The following CLEC12A variants were observed in gnomAD, a reference collection of about 807,000 sequenced individuals.
CLEC12A encodes C-type lectin domain family 12 member A.
A neutral mutation model predicts 26.5 loss-of-function variants in CLEC12A; 22 were observed. The ratio of observed to expected loss-of-function variants is 0.83; its 90% CI spans 0.59 to 1.19. The LOEUF is 1.19. Ranked by LOEUF, CLEC12A falls within the 50% of genes most tolerant of loss-of-function variation. CLEC12A has a pLI of 0.00. For missense variants in CLEC12A, 353 were observed against 315.6 expected (o/e 1.12, Z -0.90); for synonymous variants, 119 against 101.9 (o/e 1.17, Z -1.01).
chr12:9,995,071 A>C (rs1158980872), exon 5 of CLEC12A: 1 of 1,600,400 alleles, frequency 6.2e-7, no homozygotes, highest in Non-Finnish European at 8.5e-7. Context: ...ACTTGGACTG[A>C]GAGAAGAGGG....
At chr12:10,002,309 T>C in the CLEC12A span, among the ~76,000 whole-genome samples, 7 of 152,230 alleles carry the variant, frequency 4.6e-5, no homozygotes, top group Non-Finnish European at 7.3e-5. Context: ...TAATGAATGT[T>C]AATTATGTTT....
chr12:9,986,414 T>TC (rs34237394), downstream of CLEC12A, among the ~76,000 whole-genome samples: 3,397 of 117,376 alleles, frequency 0.029, 54 homozygotes, highest in African/African-American at 0.039. Flanking sequence ...AATTCCTTTA[T>TC]CCCCCCCCCC....
intron 1 of CLEC12A, among the ~76,000 whole-genome samples, chr12:9,958,667 A>G (rs1863781800): frequency 6.6e-6 from 1 of 152,238 alleles, no homozygotes; most frequent in Admixed American, 6.5e-5. Context: ...GCTTGGACCC[A>G]TGACAAGATA....
downstream of CLEC12A, among the ~76,000 whole-genome samples, chr12:9,989,684 G>C (rs1591843281): frequency 2.0e-5 from 3 of 152,208 alleles, no homozygotes; most frequent in South Asian, 6.2e-4. Context: ...AGAAACTGGA[G>C]CAAGTTATCC....
downstream of CLEC12A, among the ~76,000 whole-genome samples, chr12:9,997,886 G>A (rs935903343): frequency 6.6e-6 from 1 of 152,098 alleles, no homozygotes; most frequent in African/African-American, 2.4e-5. Flanking sequence ...ATTTTAGGTA[G>A]AGAGAATAGA....
exon 5 of CLEC12A, chr12:9,995,619 T>C (rs534830377): frequency 1.9e-5 from 6 of 312,910 alleles, no homozygotes; most frequent in African/African-American, 8.8e-5. Context: ...ATGAGCTGTA[T>C]ATTCCTTAGA....
At chr12:9,958,631 C>T (rs1209720705) in intron 1 of CLEC12A, among the ~76,000 whole-genome samples, 1 of 152,174 alleles carries the variant, frequency 6.6e-6, no homozygotes, top group African/African-American at 2.4e-5. Context: ...AAGCCCACCA[C>T]GAGTTTTGCC....
chr12:9,960,879 T>C (rs1218523233), intron 1 of CLEC12A, among the ~76,000 whole-genome samples: 1 of 152,192 alleles, frequency 6.6e-6, no homozygotes, highest in Non-Finnish European at 1.5e-5. Context: ...ATTTTTTCCC[T>C]ACCTCTGCCT....
intron 4 of CLEC12A, 23 bp downstream of exon 4, chr12:9,980,756 A>C (rs371939657): frequency 2.5e-4 from 396 of 1,611,246 alleles, no homozygotes; most frequent in Non-Finnish European, 3.3e-4. Flanking sequence ...TGTTTCTACC[A>C]TCATGGGATA....
intron 1 of CLEC12A, among the ~76,000 whole-genome samples, chr12:9,963,465 A>T (rs11053524): frequency 0.82 from 109,396 of 133,332 alleles, 45,787 homozygotes; most frequent in Middle Eastern, 0.89. Context: ...AGCAGAGAAG[A>T]CACTAGAGAG....
rs1351960883 is a variant in CLEC12A at position 9,984,836 on chromosome 12, C to G, written c.642-34C>G. The stretch of plus-strand genomic sequence containing the variant: ...CTGTGAATATGTTTCAAATATCTGA[C>G]TTGCCAAGTGTAATTCTTTACTTTC... On this transcript the variant is annotated intron_variant, in intron 5 of 5. Coordinates refer to ENST00000304361, the MANE Select transcript of CLEC12A (RefSeq NM_138337.6). The G allele has an allele frequency of 2.2e-6, 3 of 1,385,972 alleles. No homozygotes were observed. The South Asian group carries it at 6.0e-5, about 28-fold the overall frequency. The allele number at this position is 1,385,972 out of a possible 1,614,324, so 85.9% of individuals were successfully genotyped here.
intron 4 of CLEC12A, chr12:9,992,129 G>A (rs1327222342): frequency 1.3e-5 from 2 of 152,124 alleles, no homozygotes; most frequent in Non-Finnish European, 2.9e-5. Context: ...CTATTATCCT[G>A]TAAAAGGGTG....
chr12:9,978,480 C>A (rs1371763471), intron 1 of CLEC12A, among the ~76,000 whole-genome samples: 1 of 151,980 alleles, frequency 6.6e-6, no homozygotes, highest in Admixed American at 6.6e-5. Flanking sequence ...CTATCTTGTT[C>A]ATTCTGCAGC....
At chr12:9,986,321 A>T (rs1864764497), downstream of CLEC12A, among the ~76,000 whole-genome samples, 1 of 148,492 alleles carries the variant, frequency 6.7e-6, no homozygotes, top group Admixed American at 6.8e-5. Flanking sequence ...CCATAGCCAA[A>T]AAATGATGTT....
At chr12:9,986,195 A>T (rs1864761044), downstream of CLEC12A, 1 of 450,290 alleles carries the variant, frequency 2.2e-6, no homozygotes, top group Non-Finnish European at 4.5e-6. Context: ...TAACATTTAC[A>T]GTTTGATCAT....
intron 1 of CLEC12A, among the ~76,000 whole-genome samples, chr12:9,978,214 T>G (rs1393563507): frequency 6.6e-6 from 1 of 152,298 alleles, no homozygotes; most frequent in Admixed American, 6.5e-5. Context: ...AATAGCTTTA[T>G]ACATAATGAT....
At chr12:9,971,816 A>G (rs550964283) in intron 1 of CLEC12A, 129 bp downstream of exon 1, 3 of 684,380 alleles carry the variant, frequency 4.4e-6, no homozygotes, top group African/African-American at 3.7e-5. Context: ...ATGTTTAAGC[A>G]AAGGAACAAA....
At chr12:9,995,110 C>T (rs766824791) in exon 5 of CLEC12A, 2 of 1,606,206 alleles carry the variant, frequency 1.2e-6, no homozygotes, top group East Asian at 4.5e-5. Flanking sequence ...TTCCAGTACT[C>T]CCTCCTATTC....
intron 4 of CLEC12A, 54 bp downstream of exon 4, chr12:9,980,787 G>C (rs1864527560): frequency 1.3e-6 from 2 of 1,575,124 alleles, no homozygotes. Context: ...TGGCATGTTG[G>C]AGAAGACTTC....
Sources: allele counts gnomAD v4.1 joint callset (sites outside exome capture counted in the v4.1 genomes callset), GRCh38; gene constraint gnomAD v4.1.1; transcripts MANE v1.5; gene names NCBI Gene and HGNC (gene_info 2026-07-23, HGNC 2026-07-21).